Variants in SESTD1 observed in about 807,000 individuals in gnomAD.
SESTD1 encodes SEC14 and spectrin domain containing 1, also known as SEC14 domain and spectrin repeat-containing protein 1.
SESTD1 carries 43 observed loss-of-function variants against 101.7 expected under a neutral mutation model. That is an observed-to-expected ratio of 0.42 (90% CI 0.33 to 0.55). The LOEUF (loss-of-function observed/expected upper bound fraction) is 0.55. Among genes scored for constraint, SESTD1 ranks in the 20% least tolerant of loss-of-function variants. The pLI, the probability that SESTD1 is intolerant of heterozygous loss-of-function variation, is 0.07. For synonymous variants in SESTD1, 283 were observed against 286.8 expected, an observed-to-expected ratio of 0.99 and a Z score of 0.13; for missense variants, 647 against 815.1, an observed-to-expected ratio of 0.79 and a Z score of 2.51.
intron 4 of SESTD1, among the ~76,000 whole-genome samples, chr2:179,172,504 G>A (rs574863790): frequency 6.6e-6 from 1 of 152,116 alleles, no homozygotes; most frequent in African/African-American, 2.4e-5. Flanking sequence ...CTCTGTACTA[G>A]GAATATGTTT....
rs921702303 is a variant in SESTD1 at position 179,106,572 on chromosome 2, T to C, written c.*3327A>G. 4 of 152,152 alleles carry C rather than the reference T, an allele frequency of 2.6e-5. No homozygotes were observed. The highest frequency in any genetic ancestry group is 9.7e-5 in the African/African-American group (4 of 41,440). 9.4% of individuals were successfully genotyped at this position (152,152 alleles called of 1,614,324 possible). A position where few individuals can be genotyped will look rare whatever the true frequency, so the allele number is the denominator to read the frequency against. On this transcript the variant is annotated 3_prime_UTR_variant, in exon 18 of 18. Transcript: ENST00000428443. ...CTCACGCTAAGGAGTACGACACTAATAATACCACTCCGTATGTCAGCTAAT... is the reference window on the plus strand; with the variant it reads ...CTCACGCTAAGGAGTACGACACTAACAATACCACTCCGTATGTCAGCTAAT...
chr2:179,196,970 T>C (rs13383965), intron 1 of SESTD1, among the ~76,000 whole-genome samples: 68,629 of 152,116 alleles, frequency 0.45, 18,390 homozygotes, highest in African/African-American at 0.75. Context: ...ATGATTTTGA[T>C]GAGCTGAGAG....
chr2:179,116,588 A>G, intron 15 of SESTD1, 80 bp downstream of exon 15: 1 of 1,599,834 alleles, frequency 6.3e-7, no homozygotes, highest in Non-Finnish European at 8.6e-7. Context: ...TTGTACTTGG[A>G]AGGTAAAGTT....
chr2:179,202,268 T>C lies in SESTD1; in HGVS notation c.-25-10402A>G, dbSNP rs1307468860. The stretch of plus-strand genomic sequence containing the variant: ...TAACTTTTGCTGTGTCCCGCTACTT[T>C]CTGCTTTTTCTCCCCTAAAGAAGGC... On this transcript the variant is annotated intron_variant, in intron 1 of 17. Coordinates refer to ENST00000428443, the MANE Select transcript of SESTD1 (RefSeq NM_178123.5). 3.0e-5 allele frequency among the ~76,000 whole-genome samples: 4 copies of C among 133,904 alleles called. 1 individual carries two copies. Among genetic ancestry groups the C allele is most frequent in the South Asian group, 2.9e-4 (1 of 3,502 alleles). 87.8% of individuals were successfully genotyped at this position (133,904 alleles called of 152,430 possible).
At chr2:179,228,140 A>G (rs1441536507) in intron 1 of SESTD1, among the ~76,000 whole-genome samples, 1 of 152,050 alleles carries the variant, frequency 6.6e-6, no homozygotes, top group African/African-American at 2.4e-5. Flanking sequence ...AGACCCTCAC[A>G]CTGTGTAAGT....
chr2:179,121,726 ATTG>A (rs1021206265), intron 13 of SESTD1, 41 bp downstream of exon 13: 10 of 1,484,810 alleles, frequency 6.7e-6, no homozygotes, highest in African/African-American at 1.4e-5. Flanking sequence ...TTTAACTAAT[ATTG>A]TTATTATTTT....
intron 1 of SESTD1, chr2:179,264,105 C>T (rs979772562): frequency 6.6e-6 from 1 of 152,292 alleles, no homozygotes; most frequent in African/African-American, 2.4e-5. Flanking sequence ...AAAATAAGGA[C>T]TAACGCCCAA....
intron 2 of SESTD1, among the ~76,000 whole-genome samples, chr2:179,188,139 C>A (rs2046262389): frequency 6.6e-6 from 1 of 152,174 alleles, no homozygotes; most frequent in Non-Finnish European, 1.5e-5. Context: ...TTCTTCTCAT[C>A]TGCATATGAA....
At chr2:179,261,587 A>G (rs1396316190) in intron 1 of SESTD1, among the ~76,000 whole-genome samples, 1 of 152,186 alleles carries the variant, frequency 6.6e-6, no homozygotes, top group Non-Finnish European at 1.5e-5. Flanking sequence ...TCACAATGCG[A>G]TATCACTTCA....
chr2:179,230,129 T>C (rs1258699495), intron 1 of SESTD1, among the ~76,000 whole-genome samples: 4 of 59,626 alleles, frequency 6.7e-5, no homozygotes, highest in South Asian at 1.0e-3. Flanking sequence ...TTTTTTTTTT[T>C]TTTTTTTTTT....
chr2:179,241,701 T>A (rs575408583), intron 1 of SESTD1, among the ~76,000 whole-genome samples: 1 of 152,124 alleles, frequency 6.6e-6, no homozygotes, highest in East Asian at 1.9e-4. Context: ...GGCAGGCAGA[T>A]CACGAGGTCA....
At chr2:179,134,937 T>G (rs918071961) in intron 9 of SESTD1, among the ~76,000 whole-genome samples, 5 of 152,132 alleles carry the variant, frequency 3.3e-5, no homozygotes, top group African/African-American at 1.2e-4. Flanking sequence ...TATTGGTTTT[T>G]TTGTTGTTGT....
intron 1 of SESTD1, among the ~76,000 whole-genome samples, chr2:179,229,123 G>A (rs1213321742): frequency 6.6e-6 from 1 of 152,162 alleles, no homozygotes; most frequent in Admixed American, 6.5e-5. Context: ...TAAATTTCAC[G>A]TGTTAACTTG....
At position 179,124,499 on chromosome 2, in the gene SESTD1, G is replaced by A. The variant is rs747028596; in HGVS notation, c.1032C>T (p.Gly344=). The change falls in exon 11 of 18, where the codon GGC becomes GGT. Residue 344 remains glycine (G), a synonymous_variant. Coordinates refer to ENST00000428443, the MANE Select transcript of SESTD1 (RefSeq NM_178123.5). ...NQQIAALLNA[G]DEEDLVELKS... ...TTAGTTCCACAAGATCTTCCTCATCGCCAGCATTCAAGAGTGCTGCAATTT... is the reference window on the plus strand; with the variant it reads ...TTAGTTCCACAAGATCTTCCTCATCACCAGCATTCAAGAGTGCTGCAATTT... The A allele has an allele frequency of 3.8e-5, 61 of 1,613,728 alleles. No homozygotes were observed. Among genetic ancestry groups the A allele is most frequent in the East Asian group, 2.2e-4 (10 of 44,860 alleles).
At chr2:179,127,792 G>A (rs1206274959) in intron 10 of SESTD1, among the ~76,000 whole-genome samples, 4 of 152,144 alleles carry the variant, frequency 2.6e-5, no homozygotes, top group African/African-American at 7.2e-5. Flanking sequence ...TCAATAACAA[G>A]CATAGAATAT....
chr2:179,112,314 G>A (rs2044528989), intron 17 of SESTD1, among the ~76,000 whole-genome samples: 1 of 152,106 alleles, frequency 6.6e-6, no homozygotes. Context: ...ATACTGGTTT[G>A]GTCCTCTTTG....
chr2:179,225,852 T>C (rs2046877260), intron 1 of SESTD1, among the ~76,000 whole-genome samples: 2 of 152,198 alleles, frequency 1.3e-5, no homozygotes, highest in South Asian at 4.1e-4. Flanking sequence ...AAAGGCTATA[T>C]ACCTCTTAAT....
chr2:179,129,672 C>G (rs759269959), intron 10 of SESTD1, among the ~76,000 whole-genome samples: 4 of 152,172 alleles, frequency 2.6e-5, no homozygotes, highest in African/African-American at 9.7e-5. Flanking sequence ...ATTAGTCATA[C>G]TTTCACAAGA....
intron 13 of SESTD1, among the ~76,000 whole-genome samples, chr2:179,118,502 T>C (rs1309085868): frequency 6.6e-6 from 1 of 152,152 alleles, no homozygotes; most frequent in African/African-American, 2.4e-5. Context: ...CTATACTTGA[T>C]GTCCTTAAAG....
Sources: gnomAD v4.1 joint callset for allele counts (sites outside exome capture counted in the v4.1 genomes callset) on GRCh38, gnomAD v4.1.1 for gene constraint, MANE v1.5 for transcripts, NCBI Gene and HGNC (gene_info 2026-07-23, HGNC 2026-07-21) for gene names.